Variants in WDR72 observed in about 807,000 individuals in gnomAD.
WDR72 encodes the protein WD repeat domain 72.
Under a neutral mutation model 124.2 loss-of-function variants are expected in WDR72, and 120 were observed. The ratio of observed to expected loss-of-function variants is 0.97; its 90% CI spans 0.83 to 1.12. The LOEUF is 1.12. Ranked by LOEUF, WDR72 falls within the 50% of genes most tolerant of loss-of-function variation. The pLI is 0.00. For synonymous variants in WDR72, 452 were observed against 441.7 expected (o/e 1.02, Z -0.29); for missense variants, 1,387 against 1,278.8 (o/e 1.08, Z -1.29).
At chr15:53,601,556 C>T (rs966797203) in intron 17 of WDR72, among the ~76,000 whole-genome samples, 8 of 152,072 alleles carry the variant, frequency 5.3e-5, no homozygotes, top group African/African-American at 1.7e-4. Flanking sequence ...TTAAATGACA[C>T]AGAGTGGTAA....
chr15:53,547,583 G>A (rs1166950861), intron 18 of WDR72, among the ~76,000 whole-genome samples: 4 of 152,086 alleles, frequency 2.6e-5, no homozygotes, highest in Admixed American at 6.5e-5. Flanking sequence ...CACAAAGGAT[G>A]CTCACCACAG....
intron 13 of WDR72, among the ~76,000 whole-genome samples, chr15:53,686,632 G>A (rs1459506635): frequency 1.3e-5 from 2 of 149,314 alleles, no homozygotes; most frequent in East Asian, 2.0e-4. Context: ...ACACCCCACT[G>A]TCAACGTTAG....
At chr15:53,591,864 T>G (rs1169731276) in intron 18 of WDR72, among the ~76,000 whole-genome samples, 1 of 152,058 alleles carries the variant, frequency 6.6e-6, no homozygotes, top group Non-Finnish European at 1.5e-5. Context: ...TTGTCTATTT[T>G]CTGGTGATTA....
chr15:53,572,939 T>C (rs949987550), intron 18 of WDR72, among the ~76,000 whole-genome samples: 4 of 152,180 alleles, frequency 2.6e-5, no homozygotes, highest in African/African-American at 9.6e-5. Context: ...TTTACATTAA[T>C]TGGATAACAA....
At chr15:53,680,751 C>G (rs773060908) in intron 13 of WDR72, among the ~76,000 whole-genome samples, 1 of 152,160 alleles carries the variant, frequency 6.6e-6, no homozygotes, top group African/African-American at 2.4e-5. Context: ...CATCATGTGC[C>G]TTTCAGTGGA....
intron 13 of WDR72, among the ~76,000 whole-genome samples, chr15:53,675,223 G>A (rs2016127991): frequency 6.6e-6 from 1 of 151,798 alleles, no homozygotes; most frequent in East Asian, 1.9e-4. Context: ...CATGCCTGTA[G>A]TCCCAGCTAC....
In WDR72 at chr15:53,575,006, A is replaced by AACACACACAC. The variant is rs3081214; in HGVS notation, c.3148+22063_3148+22072dup. 2.0e-3 allele frequency among the ~76,000 whole-genome samples: 289 copies of AACACACACAC among 147,292 alleles called. 2 individuals are homozygous for AACACACACAC. Among genetic ancestry groups the AACACACACAC allele is most frequent in the African/African-American group, 6.7e-3 (267 of 39,986 alleles). On this transcript the variant is annotated intron_variant, in intron 18 of 19. Coordinates refer to ENST00000360509, the MANE Select transcript of WDR72 (RefSeq NM_182758.4). The stretch of plus-strand genomic sequence containing the variant: ...AAAGAGGCTAATGAAAATCAAACAC[A>AACACACACAC]ACACACACACACACACACACACACA...
intron 2 of WDR72, among the ~76,000 whole-genome samples, chr15:53,727,505 G>A (rs2018076838): frequency 6.6e-6 from 1 of 152,142 alleles, no homozygotes; most frequent in Non-Finnish European, 1.5e-5. Context: ...AGTGTTTTGT[G>A]GTTGATTAGA....
At chr15:53,698,991 C>G (rs916732715) in intron 13 of WDR72, among the ~76,000 whole-genome samples, 2 of 152,108 alleles carry the variant, frequency 1.3e-5, no homozygotes, top group Admixed American at 6.6e-5. Flanking sequence ...AAGAAAATAG[C>G]AATTATTTTG....
At chr15:53,643,148 T>G (rs1195172164) in intron 14 of WDR72, among the ~76,000 whole-genome samples, 1 of 152,062 alleles carries the variant, frequency 6.6e-6, no homozygotes, top group Non-Finnish European at 1.5e-5. Context: ...ATGTATCCAG[T>G]GCTAAAATTA....
At chr15:53,624,394 G>A (rs992712315) in intron 14 of WDR72, among the ~76,000 whole-genome samples, 2 of 152,262 alleles carry the variant, frequency 1.3e-5, no homozygotes, top group Non-Finnish European at 2.9e-5. Context: ...GCTGAAGGCA[G>A]AGTTCTGCCC....
At chr15:53,562,125 C>A (rs12440844) in intron 18 of WDR72, among the ~76,000 whole-genome samples, 46,812 of 151,546 alleles carry the variant, frequency 0.31, 7,689 homozygotes, top group Admixed American at 0.41. Context: ...ATTTTACATA[C>A]AAGCAAACTG....
intron 18 of WDR72, among the ~76,000 whole-genome samples, chr15:53,562,943 A>T (rs1317056556): frequency 6.6e-6 from 1 of 151,830 alleles, no homozygotes; most frequent in Non-Finnish European, 1.5e-5. Context: ...AATCATACCA[A>T]GATACATTTA....
chr15:53,585,605 C>A (rs762344924), intron 18 of WDR72, among the ~76,000 whole-genome samples: 1 of 152,022 alleles, frequency 6.6e-6, no homozygotes, highest in Non-Finnish European at 1.5e-5. Context: ...TCTATTTCAG[C>A]AGACTCACTT....
At chr15:53,708,764 T>A (rs2017455456) in intron 9 of WDR72, among the ~76,000 whole-genome samples, 1 of 152,178 alleles carries the variant, frequency 6.6e-6, no homozygotes, top group African/African-American at 2.4e-5. Context: ...GCTGTTTCTA[T>A]CCCAGCTATT....
At chr15:53,755,677 C>T (rs973957237) in intron 1 of WDR72, among the ~76,000 whole-genome samples, 10 of 152,212 alleles carry the variant, frequency 6.6e-5, no homozygotes, top group African/African-American at 2.4e-4. Flanking sequence ...CTTCCTGTCC[C>T]ATGATGCTGA....
At chr15:53,556,955 G>A (rs1404800446) in intron 18 of WDR72, among the ~76,000 whole-genome samples, 3 of 152,010 alleles carry the variant, frequency 2.0e-5, no homozygotes, top group Non-Finnish European at 4.4e-5. Context: ...AATTAACTCA[G>A]GTTATTAGAG....
At chr15:53,609,323 C>T (rs1318510144) in intron 17 of WDR72, among the ~76,000 whole-genome samples, 190 bp downstream of exon 17, 1 of 152,146 alleles carries the variant, frequency 6.6e-6, no homozygotes, top group East Asian at 1.9e-4. Flanking sequence ...CGGGCATTCA[C>T]GCTCCCCTAG....
At chr15:53,560,357 T>C (rs543213887) in intron 18 of WDR72, among the ~76,000 whole-genome samples, 192 of 151,942 alleles carry the variant, frequency 1.3e-3, no homozygotes, top group Non-Finnish European at 1.6e-3. Flanking sequence ...ACAAAACAAG[T>C]TCACTATAAA....
Sources: gnomAD v4.1 joint callset for allele counts (sites outside exome capture counted in the v4.1 genomes callset) on GRCh38, gnomAD v4.1.1 for gene constraint, MANE v1.5 for transcripts, NCBI Gene and HGNC (gene_info 2026-07-23, HGNC 2026-07-21) for gene names.